The following VAPB variants were observed in gnomAD, a reference collection of about 807,000 sequenced individuals.
VAPB encodes VAMP associated protein B and C.
Under a neutral mutation model 25.6 loss-of-function variants are expected in VAPB, and 7 were observed. That is an observed-to-expected ratio of 0.27 (90% CI 0.16 to 0.51). VAPB has a LOEUF of 0.51. VAPB is among the 20% of genes least tolerant of loss of function. VAPB has a pLI of 0.97. For synonymous variants in VAPB, 112 were observed against 109.2 expected (o/e 1.03, Z -0.16); for missense variants, 266 against 301.3 (o/e 0.88, Z 0.87).
At chr20:58,401,711 G>C (rs11697415) in intron 1 of VAPB, among the ~76,000 whole-genome samples, 19 of 151,990 alleles carry the variant, frequency 1.3e-4, no homozygotes, top group African/African-American at 4.3e-4. Context: ...TCCCCTTTGC[G>C]GAACTCTTTT....
intron 1 of VAPB, among the ~76,000 whole-genome samples, chr20:58,401,315 T>C (rs1988090230): frequency 6.6e-6 from 1 of 152,196 alleles, no homozygotes; most frequent in South Asian, 2.1e-4. Context: ...AAAAACTGTG[T>C]TGTCAGTCCT....
rs1244452129 is a variant in VAPB, at chr20:58,434,655, A to T, written c.265A>T (p.Met89Leu). 1.1e-5 allele frequency: 17 copies of T among 1,601,336 alleles called. No individual in the cohort carries two copies. The highest frequency in any genetic ancestry group is 1.5e-5 in the Non-Finnish European group (17 of 1,168,898). The change falls in exon 3 of 6, where the codon ATG becomes TTG. Residue 89 changes from methionine to leucine, a missense_variant. Physicochemically the swap from Met to Leu is conservative, Grantham distance 15 (BLOSUM62 2). This residue lies in a region of VAPB where 98 missense variants were observed against 147.1 expected (regional missense o/e 0.67). Transcript: ENST00000475243. Reference sequence around the variant, plus strand: ...CAATGAGAAAAGTAAACACAAGTTTATGGTTCAGTCTATGTTTGCTCCAAC... The same window carrying T: ...CAATGAGAAAAGTAAACACAAGTTTTTGGTTCAGTCTATGTTTGCTCCAAC... Reference protein sequence around the residue: ...DPNEKSKHKFMVQSMFAPTDT... With the variant: ...DPNEKSKHKFLVQSMFAPTDT...
chr20:58,416,609 C>T (rs1228957875), intron 1 of VAPB, among the ~76,000 whole-genome samples: 7 of 152,220 alleles, frequency 4.6e-5, no homozygotes, highest in Admixed American at 3.9e-4. Context: ...CTAATATGCA[C>T]ATGAGTAACG....
At chr20:58,432,852 C>T (rs1159944573) in intron 2 of VAPB, among the ~76,000 whole-genome samples, 1 of 152,312 alleles carries the variant, frequency 6.6e-6, no homozygotes, top group East Asian at 1.9e-4. Flanking sequence ...CAGCTCTTGC[C>T]AGCTCAGTGA....
chr20:58,389,665 G>A lies in VAPB; in HGVS notation c.58+148G>A, dbSNP rs576608859. 7.7e-4 allele frequency: 635 copies of A among 829,660 alleles called. 5 individuals are homozygous for A. Among genetic ancestry groups the A allele is most frequent in the Middle Eastern group, 7.6e-3 (19 of 2,502 alleles). 51.4% of individuals were successfully genotyped at this position (829,660 alleles called of 1,614,324 possible). A position where few individuals can be genotyped will look rare whatever the true frequency, so the allele number is the denominator to read the frequency against. On this transcript the variant is annotated intron_variant, in intron 1 of 5. Transcript: ENST00000475243. ...CGGCGAGGCCGGGCCGGGCCTTGGC[G>A]CTCGCCGCGCTCCCCAGAACTGCCC...
At chr20:58,396,775 A>G (rs1234757793) in intron 1 of VAPB, among the ~76,000 whole-genome samples, 1 of 152,260 alleles carries the variant, frequency 6.6e-6, no homozygotes, top group Non-Finnish European at 1.5e-5. Flanking sequence ...CTTTAATTCC[A>G]GAAGATAGGC....
chr20:58,438,687 C>T (rs1989097351), intron 3 of VAPB, among the ~76,000 whole-genome samples: 1 of 152,200 alleles, frequency 6.6e-6, no homozygotes, highest in Non-Finnish European at 1.5e-5. Context: ...AGAGTAGCAA[C>T]ATGGGGAGCA....
At chr20:58,443,328 AT>A (rs1989201218) in intron 5 of VAPB, among the ~76,000 whole-genome samples, 1 of 148,982 alleles carries the variant, frequency 6.7e-6, no homozygotes, top group South Asian at 2.2e-4. Context: ...AGCAGTCTGG[AT>A]GTAACTCATT....
At position 58,407,404 on chromosome 20, in the gene VAPB, A is replaced by C. The variant is rs1286965149; in HGVS notation, c.59-10807A>C. Among the ~76,000 whole-genome samples the C allele has an allele frequency of 2.0e-5, 3 of 152,228 alleles. No homozygotes were observed. In the East Asian group the frequency reaches 5.8e-4, roughly 29 times the overall value. On this transcript the variant is annotated intron_variant, in intron 1 of 5. Transcript: ENST00000475243. ...AGTTTTCAACAACTTTACAAGTCTG[A>C]ACAAGTAGAAAATTATTTCAAAAGA...
rs779764661 is a variant in VAPB, at chr20:58,448,680, C to T, written c.*4445C>T. On this transcript the variant is annotated 3_prime_UTR_variant, in exon 6 of 6. Transcript: ENST00000475243. ...TCTGTACATCTTTTGTGTCTGCCTC[C>T]GTACCTTATTCAGTTATTTTCACAC... The T allele has an allele frequency of 2.9e-5, 13 of 453,826 alleles. No homozygotes were observed. Among genetic ancestry groups the T allele is most frequent in the Admixed American group, 7.1e-5 (3 of 42,540 alleles). 28.1% of individuals were successfully genotyped at this position (453,826 alleles called of 1,614,324 possible). A position where few individuals can be genotyped will look rare whatever the true frequency, so the allele number is the denominator to read the frequency against.
Position 58,420,369 on chromosome 20 carries a change from A to G in VAPB, c.211+2006A>G, listed in dbSNP as rs528714869. On this transcript the variant is annotated intron_variant, in intron 2 of 5. Coordinates refer to ENST00000475243, the MANE Select transcript of VAPB (RefSeq NM_004738.5). ...AAAAGCGAACTCTGCCTTTGTTCTG[A>G]TTTATGATTGCTTACTCAAGGAAGA... Among the ~76,000 whole-genome samples, 9 of 152,314 alleles carry G rather than the reference A, an allele frequency of 5.9e-5. No individual in the cohort carries two copies. The South Asian group carries it at 1.7e-3, about 28-fold the overall frequency.
chr20:58,401,674 G>A (rs1243768053), intron 1 of VAPB, among the ~76,000 whole-genome samples: 1 of 152,018 alleles, frequency 6.6e-6, no homozygotes, highest in Non-Finnish European at 1.5e-5. Context: ...GTTTCTCTCA[G>A]ATTTGCTCTC....
chr20:58,412,918 T>C (rs1988416449), intron 1 of VAPB, among the ~76,000 whole-genome samples: 1 of 152,204 alleles, frequency 6.6e-6, no homozygotes, highest in Non-Finnish European at 1.5e-5. Flanking sequence ...CATAAAATGC[T>C]CTTAGGTTTC....
chr20:58,428,449 C>G (rs1037893248), intron 2 of VAPB, among the ~76,000 whole-genome samples: 20 of 152,188 alleles, frequency 1.3e-4, no homozygotes, highest in African/African-American at 4.3e-4. Flanking sequence ...TGTAGCGTAA[C>G]AGTGCTTAAA....
chr20:58,419,202 C>T (rs1732275888), intron 2 of VAPB, among the ~76,000 whole-genome samples: 1 of 152,272 alleles, frequency 6.6e-6, no homozygotes, highest in South Asian at 2.1e-4. Flanking sequence ...ATGAGTATCT[C>T]TCTGGCTTTT....
chr20:58,434,110 G>A (rs6092645), intron 2 of VAPB, among the ~76,000 whole-genome samples: 67,433 of 152,034 alleles, frequency 0.44, 15,193 homozygotes, highest in East Asian at 0.58. Flanking sequence ...CTAGCTTTAT[G>A]TTGGCAAAAT....
chr20:58,389,594 G>C lies in VAPB; in HGVS notation c.58+77G>C. 3 of 1,475,798 alleles carry C rather than the reference G, an allele frequency of 2.0e-6. No individual in the cohort carries two copies. The South Asian group carries it at 3.8e-5, about 19-fold the overall frequency. The allele number at this position is 1,475,798 out of a possible 1,614,324, so 91.4% of individuals were successfully genotyped here. A position where few individuals can be genotyped will look rare whatever the true frequency, so the allele number is the denominator to read the frequency against. On this transcript the variant is annotated intron_variant, in intron 1 of 5. Transcript: ENST00000475243. ...GGAAGGACGGAGCCCGGCGCGGCGG[G>C]TGACGTCGGCCCTCGTCCCCACCCC...
chr20:58,406,631 G>C (rs1034381778), intron 1 of VAPB, among the ~76,000 whole-genome samples: 1 of 152,194 alleles, frequency 6.6e-6, no homozygotes, highest in South Asian at 2.1e-4. Flanking sequence ...TGGATGTGTT[G>C]ATTTTCGTAT....
rs1392683674 is a variant in VAPB, at chr20:58,448,669, G to A, written c.*4434G>A. On this transcript the variant is annotated 3_prime_UTR_variant, in exon 6 of 6. Transcript: ENST00000475243. ...TACTCTGCCCGTCTGTACATCTTTT[G>A]TGTCTGCCTCCGTACCTTATTCAGT... 9 of 453,780 alleles carry A rather than the reference G, an allele frequency of 2.0e-5. No homozygotes were observed. The highest frequency in any genetic ancestry group is 1.2e-4 in the African/African-American group (6 of 49,974). The allele number at this position is 453,780 out of a possible 1,614,324, so 28.1% of individuals were successfully genotyped here. A position where few individuals can be genotyped will look rare whatever the true frequency, so the allele number is the denominator to read the frequency against.
Sources: gnomAD v4.1 joint callset for allele counts (sites outside exome capture counted in the v4.1 genomes callset) on GRCh38, gnomAD v4.1.1 for gene constraint, gnomAD v4.1.1 regional missense constraint, MANE v1.5 for transcripts, NCBI Gene and HGNC (gene_info 2026-07-23, HGNC 2026-07-21) for gene names.